The following DENND1A variants were observed in gnomAD, a reference collection of about 807,000 sequenced individuals.
The protein encoded by DENND1A is DENN domain containing 1A.
DENND1A carries 51 observed loss-of-function variants against 113.7 expected under a neutral mutation model. The ratio of observed to expected loss-of-function variants is 0.45; its 90% confidence interval spans 0.36 to 0.57. The LOEUF is 0.57. Ranked by LOEUF, DENND1A falls within the 20% of genes least tolerant of loss-of-function variation. The probability of loss-of-function intolerance (pLI) is 0.00; values close to 1 mark genes in which losing one functional copy is unlikely to be tolerated. For synonymous variants in DENND1A, 565 were observed against 570.8 expected (o/e 0.99, Z 0.14); for missense variants, 1,258 against 1,395.9 (o/e 0.90, Z 1.57).
At chr9:123,794,206 C>T (rs946429131) in intron 2 of DENND1A, among the ~76,000 whole-genome samples, 23 of 152,104 alleles carry the variant, frequency 1.5e-4, no homozygotes, top group African/African-American at 5.6e-4. Context: ...GAGAAGAATT[C>T]GCCAGCAGGA....
chr9:123,397,886 T>C (rs1434051609), intron 21 of DENND1A, among the ~76,000 whole-genome samples: 1 of 152,018 alleles, frequency 6.6e-6, no homozygotes, highest in Non-Finnish European at 1.5e-5. Flanking sequence ...GGTGGCTGAG[T>C]TTGGACCCTT....
At position 123,583,771 on chromosome 9, in the gene DENND1A, C is replaced by T. The variant is rs745682231; in HGVS notation, c.766-501G>A. Among the ~76,000 whole-genome samples, 37 of 152,156 alleles carry T rather than the reference C, an allele frequency of 2.4e-4. 1 individual carries two copies. The highest frequency in any genetic ancestry group is 9.6e-4 in the East Asian group (5 of 5,190). ...GCCTACTGTTAACACTTCCCTTAAA[C>T]GCCAAGTAGGAAGGTCACACTTTCA... On this transcript the variant is annotated intron_variant, in intron 11 of 23. Coordinates refer to ENST00000394215, the MANE Select transcript of DENND1A (RefSeq NM_001352964.2).
chr9:123,568,755 G>A (rs1022975978), intron 12 of DENND1A, among the ~76,000 whole-genome samples: 1 of 152,048 alleles, frequency 6.6e-6, no homozygotes, highest in South Asian at 2.1e-4. Context: ...CACAGAGCGA[G>A]ATATCTCCCA....
intron 3 of DENND1A, 42 bp from the exon 4 acceptor site, chr9:123,769,605 C>A: frequency 6.5e-7 from 1 of 1,547,390 alleles, no homozygotes. Context: ...CTAATGGGAC[C>A]AGTAAATCTA....
chr9:123,738,170 CTAATA>C (rs1212876202), intron 5 of DENND1A, among the ~76,000 whole-genome samples: 1 of 152,128 alleles, frequency 6.6e-6, no homozygotes, highest in African/African-American at 2.4e-5. Context: ...CATATTTAAA[CTAATA>C]TGTTTGTTCG....
intron 15 of DENND1A, among the ~76,000 whole-genome samples, chr9:123,455,251 G>A (rs2132836196): frequency 6.6e-6 from 1 of 152,326 alleles, no homozygotes; most frequent in South Asian, 2.1e-4. Flanking sequence ...GCAGTACCCT[G>A]ACTGCAAACT....
intron 14 of DENND1A, 37 bp downstream of exon 14, chr9:123,457,756 G>C (rs755702171): frequency 6.4e-6 from 10 of 1,564,700 alleles, no homozygotes; most frequent in Non-Finnish European, 8.7e-6. Context: ...ATCCCCGCCA[G>C]GGAGCCAGAC....
chr9:123,560,267 C>A (rs1173794344), intron 12 of DENND1A, among the ~76,000 whole-genome samples: 3 of 152,206 alleles, frequency 2.0e-5, no homozygotes. Flanking sequence ...TACATGAAGT[C>A]ACCAAGCACA....
intron 2 of DENND1A, among the ~76,000 whole-genome samples, chr9:123,839,017 G>A (rs1253684233): frequency 1.3e-5 from 2 of 152,196 alleles, no homozygotes; most frequent in Non-Finnish European, 2.9e-5. Context: ...CTCTGCTCAC[G>A]CGGAAGGGGC....
intron 5 of DENND1A, among the ~76,000 whole-genome samples, chr9:123,748,432 A>C (rs1420166900): frequency 1.3e-5 from 2 of 152,172 alleles, no homozygotes; most frequent in Admixed American, 1.3e-4. Context: ...ACTTCTTCAA[A>C]CTTCAATCAT....
chr9:123,383,804 C>T lies in DENND1A; in HGVS notation c.1870G>A (p.Asp624Asn), dbSNP rs1243663517. ...KSTGPVPAPP[D>N]RAASIDLLED... ...AGAAGGTCGATGCTGGCAGCCCGGT[C>T]AGGGGGAGCTGGGACAGGGCCTGTG... is the stretch of plus-strand genomic sequence containing the variant. Residue 624 changes from aspartate to asparagine, a missense_variant, in exon 23 of 24, where the codon GAC (aspartate) becomes AAC (asparagine). Transcript: ENST00000394215. The T allele has an allele frequency of 2.5e-6, 4 of 1,613,954 alleles. No homozygotes were observed. The highest frequency in any genetic ancestry group is 3.4e-6 in the Non-Finnish European group (4 of 1,180,054).
At chr9:123,443,954 C>G (rs1223167847) in intron 18 of DENND1A, among the ~76,000 whole-genome samples, 1 of 151,168 alleles carries the variant, frequency 6.6e-6, no homozygotes, top group Non-Finnish European at 1.5e-5. Context: ...GAGACCCTGT[C>G]TCAAGAAAAA....
intron 2 of DENND1A, among the ~76,000 whole-genome samples, chr9:123,817,629 T>A (rs1437624634): frequency 2.6e-5 from 4 of 152,192 alleles, no homozygotes; most frequent in Non-Finnish European, 5.9e-5. Flanking sequence ...AGTTGGAATA[T>A]AAAGGATACA....
chr9:123,851,566 T>C (rs1843367003), intron 2 of DENND1A, among the ~76,000 whole-genome samples: 1 of 152,188 alleles, frequency 6.6e-6, no homozygotes, highest in Non-Finnish European at 1.5e-5. Context: ...GGTGGCACCA[T>C]CATAGAGAAC....
chr9:123,452,803 G>C (rs547024562), intron 16 of DENND1A, among the ~76,000 whole-genome samples: 1 of 152,272 alleles, frequency 6.6e-6, no homozygotes, highest in African/African-American at 2.4e-5. Context: ...AGCCAGGATC[G>C]TTGGGAAATA....
At chr9:123,518,093 T>C (rs984282489) in intron 13 of DENND1A, among the ~76,000 whole-genome samples, 2 of 152,216 alleles carry the variant, frequency 1.3e-5, no homozygotes, top group Non-Finnish European at 2.9e-5. Flanking sequence ...ACTTTCCAAG[T>C]GACTGAGTAG....
intron 21 of DENND1A, among the ~76,000 whole-genome samples, chr9:123,393,509 C>A (rs1379162989): frequency 2.0e-5 from 3 of 149,944 alleles, no homozygotes; most frequent in Non-Finnish European, 4.4e-5. Context: ...CCAGCCTGGG[C>A]AACACAGCTA....
intron 5 of DENND1A, among the ~76,000 whole-genome samples, chr9:123,747,873 T>G (rs1376572336): frequency 6.6e-6 from 1 of 152,178 alleles, no homozygotes; most frequent in East Asian, 1.9e-4. Context: ...AACCAAGACT[T>G]TTGATACTAT....
chr9:123,567,985 A>G (rs2058146294), intron 12 of DENND1A, among the ~76,000 whole-genome samples: 1 of 152,208 alleles, frequency 6.6e-6, no homozygotes, highest in African/African-American at 2.4e-5. Flanking sequence ...CAAAACTAAA[A>G]CTATTCCAGT....
Sources: gnomAD v4.1 joint callset for allele counts (sites outside exome capture counted in the v4.1 genomes callset) on GRCh38, gnomAD v4.1.1 for gene constraint, MANE v1.5 for transcripts, NCBI Gene and HGNC (gene_info 2026-07-23, HGNC 2026-07-21) for gene names.